The following P4HA1 variants were observed in gnomAD, a reference collection of about 807,000 sequenced individuals.
The protein encoded by P4HA1 is prolyl 4-hydroxylase subunit alpha-1.
In P4HA1, 24 loss-of-function variants were observed where a neutral mutation model predicts 72.8. That is an observed-to-expected ratio of 0.33 (90% CI 0.24 to 0.46). The LOEUF is 0.46. Among genes scored for constraint, P4HA1 ranks in the 20% least tolerant of loss-of-function variants. The probability of loss-of-function intolerance (pLI) is 1.00; values close to 1 mark genes in which losing one functional copy is unlikely to be tolerated. For missense variants in P4HA1, 446 were observed against 640.6 expected, an observed-to-expected ratio of 0.70 and a Z score of 3.28; for synonymous variants, 201 against 218.8, an observed-to-expected ratio of 0.92 and a Z score of 0.72.
intron 9 of P4HA1, 124 bp from the exon 10 acceptor site, chr10:73,030,494 T>C (rs972801554): frequency 2.3e-6 from 1 of 431,446 alleles, no homozygotes; most frequent in African/African-American, 2.0e-5. Context: ...AGGCATTTAG[T>C]TCATTTTCTT....
At chr10:73,087,941 T>G (rs767088848) in intron 1 of P4HA1, among the ~76,000 whole-genome samples, 10 of 152,114 alleles carry the variant, frequency 6.6e-5, no homozygotes, top group Non-Finnish European at 1.5e-4. Flanking sequence ...GTTTGTTCAT[T>G]TATGAATCAT....
At chr10:73,009,961 G>T in intron 13 of P4HA1, 58 bp from the exon 14 acceptor site, 2 of 941,130 alleles carry the variant, frequency 2.1e-6, no homozygotes, top group Non-Finnish European at 1.7e-6. Context: ...ATTGCTTTCG[G>T]TAGTTATTAC....
chr10:73,016,412 C>T (rs1321670232), intron 11 of P4HA1, among the ~76,000 whole-genome samples: 1 of 152,224 alleles, frequency 6.6e-6, no homozygotes, highest in African/African-American at 2.4e-5. Flanking sequence ...CTATACCTAT[C>T]GCAATGGTCC....
In P4HA1 at chr10:73,059,424, T is replaced by TAAA. The variant is rs920360586; in HGVS notation, c.464-5837_464-5835dup. 1.4e-3 allele frequency among the ~76,000 whole-genome samples: 33 copies of TAAA among 24,172 alleles called. 4 individuals carry two copies. Among genetic ancestry groups the TAAA allele is most frequent in the Non-Finnish European group, 1.6e-3 (16 of 9,954 alleles). The allele number at this position is 24,172 out of a possible 152,430, so 15.9% of individuals were successfully genotyped here. On this transcript the variant is annotated intron_variant, in intron 5 of 14. Transcript: ENST00000394890. ...GGGCAAAATAATGAGACAATATATT[T>TAAA]AAAAAAAAAAAAAAAAAAAAAAAAA...
intron 4 of P4HA1, among the ~76,000 whole-genome samples, chr10:73,070,142 CTTTTTTTTTTTTTTTT>C (rs71021546): frequency 3.9e-4 from 25 of 64,468 alleles, no homozygotes; most frequent in East Asian, 1.6e-3. Flanking sequence ...GAGACCAGGC[CTTTTTTTTTTTTTTTT>C]TTTTTTTTTT....
intron 1 of P4HA1, among the ~76,000 whole-genome samples, chr10:73,092,720 A>G (rs2133172841): frequency 6.6e-6 from 1 of 152,032 alleles, no homozygotes; most frequent in South Asian, 2.1e-4. Flanking sequence ...AAATTAAAAA[A>G]TTGGTTAAAG....
chr10:73,059,424 T>TTAA (rs1564631478), intron 5 of P4HA1, among the ~76,000 whole-genome samples: 299 of 24,174 alleles, frequency 0.012, 20 homozygotes, highest in African/African-American at 0.031. Flanking sequence ...ACAATATATT[T>TTAA]AAAAAAAAAA....
chr10:73,024,042 G>C (rs1840202671), intron 10 of P4HA1, among the ~76,000 whole-genome samples: 1 of 152,108 alleles, frequency 6.6e-6, no homozygotes, highest in Admixed American at 6.6e-5. Context: ...ATAATAATGA[G>C]AGACTTTAAC....
At chr10:73,050,354 A>G (rs189606785) in intron 7 of P4HA1, among the ~76,000 whole-genome samples, 14 of 152,250 alleles carry the variant, frequency 9.2e-5, no homozygotes, top group Admixed American at 9.2e-4. Context: ...AATAATTGGA[A>G]CATATTAAAT....
chr10:73,053,578 T>G lies in P4HA1; in HGVS notation c.476A>C (p.Lys159Thr), dbSNP rs1564629876. ...GCAGTCCTCAGCCGTTAGAAAAGATTTGTGTTTCACTCCTATGAAAAGAAA... is the reference window on the plus strand; with the variant it reads ...GCAGTCCTCAGCCGTTAGAAAAGATGTGTGTTTCACTCCTATGAAAAGAAA... ...SKGNLPGVKH[K>T]SFLTAEDCFE... The change falls in exon 6 of 15, where the codon AAA (lysine) becomes ACA (threonine). Residue 159 changes from lysine (K) to threonine (T), a missense_variant. Coordinates refer to ENST00000394890, the MANE Select transcript of P4HA1 (RefSeq NM_001017962.3). The G allele has an allele frequency of 6.2e-7, 1 of 1,613,818 alleles. No homozygotes were observed. Among genetic ancestry groups the G allele is most frequent in the Non-Finnish European group, 8.5e-7 (1 of 1,179,924 alleles).
At chr10:73,082,122 G>T (rs1841838108) in intron 1 of P4HA1, among the ~76,000 whole-genome samples, 1 of 152,160 alleles carries the variant, frequency 6.6e-6, no homozygotes, top group Non-Finnish European at 1.5e-5. Context: ...TATAAAATAG[G>T]CTTTGTTAGA....
Position 73,073,711 on chromosome 10 carries a change from T to G in P4HA1, c.173+20A>C. ...CATCCAGGTTGAGTCAGAGTCATAA[T>G]AAGCAAACATTTTGCTTACTTTTTT... On this transcript the variant is annotated intron_variant, in intron 3 of 14. Transcript: ENST00000394890. 1 of 1,085,186 alleles carries G rather than the reference T, an allele frequency of 9.2e-7. No homozygotes were observed. The highest frequency in any genetic ancestry group is 1.2e-5 in the South Asian group (1 of 80,268). The allele number at this position is 1,085,186 out of a possible 1,614,324, so 67.2% of individuals were successfully genotyped here.
chr10:73,057,018 C>A (rs1394723876), intron 5 of P4HA1, among the ~76,000 whole-genome samples: 1 of 150,818 alleles, frequency 6.6e-6, no homozygotes, highest in Non-Finnish European at 1.5e-5. Context: ...CAAGATCACG[C>A]CACTGCACTC....
intron 10 of P4HA1, among the ~76,000 whole-genome samples, chr10:73,029,928 A>G (rs1287150115): frequency 6.6e-6 from 1 of 152,208 alleles, no homozygotes; most frequent in African/African-American, 2.4e-5. Flanking sequence ...TAAAAAGGAA[A>G]AAAACCCACT....
intron 7 of P4HA1, among the ~76,000 whole-genome samples, chr10:73,049,968 A>AGGT (rs928367534): frequency 6.6e-5 from 10 of 152,190 alleles, no homozygotes; most frequent in Non-Finnish European, 1.2e-4. Context: ...GTTTGAGACC[A>AGGT]GCCTGGCCAA....
rs201706763 is a variant in P4HA1, at chr10:73,036,257, T to TA, written c.1149-5888dup. On this transcript the variant is annotated intron_variant, in intron 9 of 14. Coordinates refer to ENST00000394890, the MANE Select transcript of P4HA1 (RefSeq NM_001017962.3). ...GTTAAAACCAATGTTGATTGTAGGT[T>TA]AAAAAAAAAATAACTGTCAAACTGT... 1.9e-4 allele frequency among the ~76,000 whole-genome samples: 28 copies of TA among 147,842 alleles called. No homozygotes were observed. In the South Asian group the frequency reaches 2.7e-3, roughly 14 times the overall value.
At chr10:73,025,440 A>C (rs1031269926) in intron 10 of P4HA1, among the ~76,000 whole-genome samples, 2 of 152,144 alleles carry the variant, frequency 1.3e-5, no homozygotes, top group African/African-American at 4.8e-5. Flanking sequence ...AAATGCGGTA[A>C]ACTAGGTATT....
At chr10:73,029,394 A>G (rs1840375834) in intron 10 of P4HA1, among the ~76,000 whole-genome samples, 1 of 146,394 alleles carries the variant, frequency 6.8e-6, no homozygotes, top group Non-Finnish European at 1.5e-5. Context: ...TGGGCCACAG[A>G]GCCAGACTCA....
rs529063906 is a variant in P4HA1 at position 73,015,564 on chromosome 10, T to C, written c.1303-1275A>G. Among the ~76,000 whole-genome samples, 3 of 152,326 alleles carry C rather than the reference T, an allele frequency of 2.0e-5. No homozygotes were observed. In the East Asian group the frequency reaches 5.8e-4, roughly 29 times the overall value. On this transcript the variant is annotated intron_variant, in intron 11 of 14. Coordinates refer to ENST00000394890, the MANE Select transcript of P4HA1 (RefSeq NM_001017962.3). Reference sequence around the variant, plus strand: ...GACAGTTCCCCATAAGGCTCCTGTATCACAAGAGATTTATTTTCAAACCCA... The same window carrying C: ...GACAGTTCCCCATAAGGCTCCTGTACCACAAGAGATTTATTTTCAAACCCA...
Sources: allele counts gnomAD v4.1 joint callset (sites outside exome capture counted in the v4.1 genomes callset), GRCh38; gene constraint gnomAD v4.1.1; transcripts MANE v1.5; gene names NCBI Gene and HGNC (gene_info 2026-07-23, HGNC 2026-07-21).